MID2: variants seen among roughly 807,000 people sequenced by gnomAD.
MID2 encodes midline 2.
A neutral mutation model predicts 46.1 loss-of-function variants in MID2; 13 were observed. The ratio of observed to expected loss-of-function variants is 0.28; its 90% CI spans 0.18 to 0.45. The LOEUF is 0.45. Ranked by LOEUF, MID2 falls within the 20% of genes least tolerant of loss-of-function variation. MID2 has a pLI of 1.00. For synonymous variants in MID2, 199 were observed against 212.3 expected (o/e 0.94, Z 0.55); for missense variants, 431 against 575.4 (o/e 0.75, Z 2.57).
intron 7 of MID2, among the ~76,000 whole-genome samples, chrX:107,921,833 G>A (rs1602510264): frequency 9.0e-6 from 1 of 110,855 alleles, no homozygotes; most frequent in South Asian, 3.8e-4. Context: ...TCATTTTCTT[G>A]AGCACTTCCT....
At chrX:107,864,803 A>G (rs887082368) in intron 3 of MID2, among the ~76,000 whole-genome samples, 3 of 112,047 alleles carry the variant, frequency 2.7e-5, no homozygotes, top group African/African-American at 9.7e-5. Context: ...ACTTAGAAGT[A>G]CACATACAGC....
At chrX:107,903,659 AG>A (rs1172965515) in intron 3 of MID2, among the ~76,000 whole-genome samples, 1 of 111,576 alleles carries the variant, frequency 9.0e-6, no homozygotes, top group Non-Finnish European at 1.9e-5. Flanking sequence ...GCAGGAGGAA[AG>A]GGTACTGGAG....
chrX:107,860,640 T>G (rs1217104196), intron 3 of MID2, among the ~76,000 whole-genome samples: 1 of 112,561 alleles, frequency 8.9e-6, no homozygotes, highest in Non-Finnish European at 1.9e-5. Context: ...TGAAGAATGC[T>G]GTGCATTTTG....
In MID2 at chrX:107,841,102, C is replaced by T. The variant is rs766843799; in HGVS notation, c.437C>T (p.Pro146Leu). 114 of 1,209,285 alleles carry T rather than the reference C, an allele frequency of 9.4e-5. 1 individual carries two copies. The South Asian group carries it at 1.9e-3, about 20-fold the overall frequency. Reference protein sequence around the residue: ...RIACQFCEQDPPRDAVKTCIT... With the variant: ...RIACQFCEQDLPRDAVKTCIT... ...GCTTGCCAATTCTGTGAGCAGGACC[C>T]GCCAAGGGATGCAGTAAAAACATGC... Residue 146 changes from proline (P) to leucine (L), a missense_variant, in exon 2 of 10, where the codon CCG becomes CTG. Transcript: ENST00000262843.
chrX:107,864,281 T>G (rs1427212863), intron 3 of MID2, among the ~76,000 whole-genome samples: 1 of 112,174 alleles, frequency 8.9e-6, no homozygotes, highest in Non-Finnish European at 1.9e-5. Context: ...AAGCCTCTTA[T>G]GTACTCCTGC....
chrX:107,859,903 C>T (rs1310178199), intron 3 of MID2, among the ~76,000 whole-genome samples: 1 of 111,769 alleles, frequency 8.9e-6, no homozygotes, highest in Non-Finnish European at 1.9e-5. Flanking sequence ...AAGTGAGTAG[C>T]TTGGGCCCAA....
At chrX:107,894,197 T>C (rs1201106443) in intron 3 of MID2, among the ~76,000 whole-genome samples, 1 of 103,677 alleles carries the variant, frequency 9.6e-6, no homozygotes, top group Admixed American at 1.0e-4. Flanking sequence ...TGTCCTATCC[T>C]TTTTTTTTTT....
chrX:107,916,011 G>T lies in MID2; in HGVS notation c.1083G>T (p.Met361Ile). 8.3e-7 allele frequency: 1 copy of T among 1,204,049 alleles called. No individual in the cohort carries two copies. Among genetic ancestry groups the T allele is most frequent in the Non-Finnish European group, 1.1e-6 (1 of 892,668 alleles). Residue 361 changes from methionine to isoleucine, a missense_variant, in exon 6 of 10, where the codon ATG becomes ATT. Physicochemically the swap from Met to Ile is conservative, Grantham distance 10. Coordinates refer to ENST00000262843, the MANE Select transcript of MID2 (RefSeq NM_012216.4). ...SAKNIAERVAMATASSQVLIP... is the reference protein window; with the variant it reads ...SAKNIAERVAIATASSQVLIP... The stretch of plus-strand genomic sequence containing the variant: ...CTTTTCTCTTTTTCAGGGTCGCTAT[G>T]GCAACTGCATCTTCTCAAGTTCTGA...
chrX:107,883,126 T>G (rs1023030076), intron 3 of MID2, among the ~76,000 whole-genome samples: 1 of 111,288 alleles, frequency 9.0e-6, no homozygotes, highest in Admixed American at 9.6e-5. Flanking sequence ...CTGCATGTTC[T>G]CACTCATAAG....
At chrX:107,837,521 C>T (rs987342689) in intron 1 of MID2, among the ~76,000 whole-genome samples, 1 of 97,489 alleles carries the variant, frequency 1.0e-5, no homozygotes, top group Non-Finnish European at 2.0e-5. Context: ...TAAAAATAGA[C>T]GTAGAAACAT....
Position 107,930,893 on chromosome X carries a change from T to C in MID2, c.*3820T>C, listed in dbSNP as rs994335970. Among the ~76,000 whole-genome samples, 4 of 112,632 alleles carry C rather than the reference T, an allele frequency of 3.6e-5. No homozygotes were observed. Among genetic ancestry groups the C allele is most frequent in the African/African-American group, 1.3e-4 (4 of 31,055 alleles). On this transcript the variant is annotated 3_prime_UTR_variant, in exon 10 of 10. Coordinates refer to ENST00000262843, the MANE Select transcript of MID2 (RefSeq NM_012216.4). ...GCTTGTTTCCACTTTTTATATTGTC[T>C]TATTGAAGAAAGCACAAAAATAATC...
chrX:107,884,740 G>A (rs1311221067), intron 3 of MID2, among the ~76,000 whole-genome samples: 1 of 112,458 alleles, frequency 8.9e-6, no homozygotes, highest in Non-Finnish European at 1.9e-5. Context: ...CATGGCAGAA[G>A]TCTTGGCCTT....
intron 1 of MID2, among the ~76,000 whole-genome samples, chrX:107,827,060 G>T (rs754538822): frequency 4.4e-5 from 5 of 112,987 alleles, no homozygotes; most frequent in African/African-American, 1.6e-4. Flanking sequence ...GACAGACTGC[G>T]ACGCAACCAG....
rs1460625771 is a variant in MID2, at chrX:107,840,979, G to A, written c.314G>A (p.Arg105His). Residue 105 changes from arginine to histidine, a missense_variant, in exon 2 of 10, where the codon CGC becomes CAC. By Grantham distance (29) the Arg-to-His change is conservative (BLOSUM62 0). Coordinates refer to ENST00000262843, the MANE Select transcript of MID2 (RefSeq NM_012216.4). ...RNVTLQNIID[R>H]FQKASVSGPN... The stretch of plus-strand genomic sequence containing the variant: ...GTGACTCTGCAGAACATTATTGATC[G>A]CTTCCAGAAGGCTTCAGTCAGTGGG... 6.6e-6 allele frequency: 8 copies of A among 1,209,383 alleles called. No individual in the cohort carries two copies. Among genetic ancestry groups the A allele is most frequent in the Admixed American group, 2.2e-5 (1 of 45,734 alleles).
intron 9 of MID2, 61 bp downstream of exon 9, chrX:107,926,362 C>G (rs1236053887): frequency 1.9e-5 from 18 of 944,414 alleles, no homozygotes; most frequent in Non-Finnish European, 2.5e-5. Flanking sequence ...CTAGGAGATT[C>G]AATTCTATAG....
chrX:107,828,367 A>G (rs113647839), intron 1 of MID2, among the ~76,000 whole-genome samples: 39 of 90,730 alleles, frequency 4.3e-4, no homozygotes, highest in African/African-American at 1.6e-3. Flanking sequence ...GCTGGAGTGC[A>G]GTGTCACATT....
chrX:107,902,823 T>C (rs1932805473), intron 3 of MID2, among the ~76,000 whole-genome samples: 1 of 111,257 alleles, frequency 9.0e-6, no homozygotes, highest in African/African-American at 3.3e-5. Context: ...CCATTGTCTG[T>C]TCCTCAGCCT....
rs1470033899 is a variant in MID2, at chrX:107,885,790, A to C, written c.817-18168A>C. Among the ~76,000 whole-genome samples, 7 of 111,621 alleles carry C rather than the reference A, an allele frequency of 6.3e-5. No homozygotes were observed. In the South Asian group the frequency reaches 1.5e-3, roughly 24 times the overall value. On this transcript the variant is annotated intron_variant, in intron 3 of 9. Transcript: ENST00000262843. ...ACATCCTCTCCGGCACCTGTTGTTT[A>C]CTGACTTTTTAATGATTGCCATTCT...
chrX:107,887,305 C>A (rs959794722), intron 3 of MID2, among the ~76,000 whole-genome samples: 1 of 111,788 alleles, frequency 8.9e-6, no homozygotes, highest in Admixed American at 9.5e-5. Flanking sequence ...CCAATCAATG[C>A]CTAATTTCTT....
Sources: allele counts gnomAD v4.1 joint callset (sites outside exome capture counted in the v4.1 genomes callset), GRCh38; gene constraint gnomAD v4.1.1; transcripts MANE v1.5; gene names NCBI Gene and HGNC (gene_info 2026-07-23, HGNC 2026-07-21).